Variants in IGF2BP2 observed in about 807,000 individuals in gnomAD.
The protein encoded by IGF2BP2 is insulin-like growth factor 2 mRNA-binding protein 2.
A neutral mutation model predicts 75.8 loss-of-function variants in IGF2BP2; 17 were observed. That is an observed-to-expected ratio of 0.22 (90% confidence interval 0.15 to 0.34). The LOEUF (loss-of-function observed/expected upper bound fraction) is 0.34. Ranked by LOEUF, IGF2BP2 falls within the 10% of genes least tolerant of loss-of-function variation. IGF2BP2 has a pLI of 1.00. For missense variants in IGF2BP2, 516 were observed against 772.4 expected (o/e 0.67, Z 3.93); for synonymous variants, 288 against 295.6 (o/e 0.97, Z 0.26).
chr3:185,680,315 A>C (rs1720180756), intron 7 of IGF2BP2, among the ~76,000 whole-genome samples: 1 of 152,068 alleles, frequency 6.6e-6, no homozygotes, highest in Non-Finnish European at 1.5e-5. Flanking sequence ...GTAATCAAAA[A>C]CCTCCCAACA....
intron 2 of IGF2BP2, among the ~76,000 whole-genome samples, chr3:185,820,229 TAC>T (rs1280743933): frequency 7.5e-6 from 1 of 133,818 alleles, no homozygotes; most frequent in Non-Finnish European, 1.6e-5. Context: ...TGTGTATATA[TAC>T]ACATACACAC....
rs1244819444 is a variant in IGF2BP2 at position 185,647,452 on chromosome 3, C to T, written c.1594-314G>A. ...AGGCCTGCACATGCTCACAGAGACC[C>T]CAGGCTTTCCCATACCCCCCCACTC... On this transcript the variant is annotated intron_variant, in intron 14 of 15. Transcript: ENST00000382199. This position sits in a 1 kb window ranked among gnomAD's most constrained non-coding sequence, Gnocchi z 4.9. Among the ~76,000 whole-genome samples the T allele has an allele frequency of 6.6e-6, 1 of 152,014 alleles. No individual in the cohort carries two copies. Among genetic ancestry groups the T allele is most frequent in the Non-Finnish European group, 1.5e-5 (1 of 67,996 alleles).
chr3:185,794,089 C>T (rs1238955291), intron 2 of IGF2BP2, among the ~76,000 whole-genome samples: 1 of 151,820 alleles, frequency 6.6e-6, no homozygotes, highest in South Asian at 2.1e-4. Context: ...TCTCAAGCAG[C>T]TGAGACTACA....
chr3:185,820,257 C>T (rs1225074706), intron 2 of IGF2BP2, among the ~76,000 whole-genome samples: 1 of 117,522 alleles, frequency 8.5e-6, no homozygotes, highest in Non-Finnish European at 1.8e-5. Context: ...CACACACACA[C>T]ACACACACAC....
rs954540506 is a variant in IGF2BP2, at chr3:185,644,165, G to A, written c.*1366C>T. The A allele has an allele frequency of 6.6e-6, 1 of 152,260 alleles. No homozygotes were observed. Among genetic ancestry groups the A allele is most frequent in the African/African-American group, 2.4e-5 (1 of 41,312 alleles). The allele number at this position is 152,260 out of a possible 1,614,324, so 9.4% of individuals were successfully genotyped here. ...AAATAAAAAAATGCTCCAACTATCAGCTTTACAAAATCTCTAAGGGAAACA... is the reference window on the plus strand; with the variant it reads ...AAATAAAAAAATGCTCCAACTATCAACTTTACAAAATCTCTAAGGGAAACA... On this transcript the variant is annotated 3_prime_UTR_variant, in exon 16 of 16. Transcript: ENST00000382199.
intron 2 of IGF2BP2, among the ~76,000 whole-genome samples, chr3:185,719,863 A>AAAGGAAGGAAGGAAGGAAGG (rs1472365740): frequency 5.3e-4 from 80 of 152,198 alleles, no homozygotes; most frequent in African/African-American, 1.9e-3. Flanking sequence ...GAAAGGAAGG[A>AAAGGAAGGAAGGAAGGAAGG]AAGGAAGGAA....
rs1333652030 is a variant in IGF2BP2, at chr3:185,748,828, A to C, written c.240-50481T>G. 3.3e-5 allele frequency among the ~76,000 whole-genome samples: 5 copies of C among 152,340 alleles called. No homozygotes were observed. The East Asian group carries it at 7.7e-4, about 23-fold the overall frequency. On this transcript the variant is annotated intron_variant, in intron 2 of 15. Transcript: ENST00000382199. ...CAAGGTCCCCTTATCAGCCATTAAAATTGTTTTAAAGTAAAAATCATTTTA... is the reference window on the plus strand; with the variant it reads ...CAAGGTCCCCTTATCAGCCATTAAACTTGTTTTAAAGTAAAAATCATTTTA...
chr3:185,660,373 AT>A (rs1486226350), intron 10 of IGF2BP2, among the ~76,000 whole-genome samples: 1 of 152,146 alleles, frequency 6.6e-6, no homozygotes, highest in African/African-American at 2.4e-5. Flanking sequence ...AATGCCCTCC[AT>A]CCCCCGAATC....
intron 2 of IGF2BP2, among the ~76,000 whole-genome samples, chr3:185,780,695 C>T (rs1296042659): frequency 6.6e-6 from 1 of 152,200 alleles, no homozygotes; most frequent in East Asian, 1.9e-4. Flanking sequence ...TGCTACTGCA[C>T]ATTCCCACGG....
chr3:185,802,591 T>A (rs1243650995), intron 2 of IGF2BP2, among the ~76,000 whole-genome samples: 1 of 152,252 alleles, frequency 6.6e-6, no homozygotes, highest in Admixed American at 6.5e-5. Context: ...GAACATTTTT[T>A]AAATTATTCA....
At chr3:185,778,447 G>A (rs1041624249) in intron 2 of IGF2BP2, among the ~76,000 whole-genome samples, 2 of 152,168 alleles carry the variant, frequency 1.3e-5, no homozygotes, top group African/African-American at 4.8e-5. Flanking sequence ...TTATAATAAA[G>A]CAACATAAAA....
intron 2 of IGF2BP2, among the ~76,000 whole-genome samples, chr3:185,720,860 C>T (rs985104309): frequency 6.6e-6 from 1 of 152,194 alleles, no homozygotes; most frequent in African/African-American, 2.4e-5. Flanking sequence ...ATTCTGAAAC[C>T]AGACAGTAAC....
chr3:185,808,833 G>T (rs1387274580), intron 2 of IGF2BP2, among the ~76,000 whole-genome samples: 1 of 151,954 alleles, frequency 6.6e-6, no homozygotes, highest in African/African-American at 2.4e-5. Context: ...CTCTCAAAGT[G>T]CTGGGATTAC....
At chr3:185,706,898 G>A (rs890596980) in intron 2 of IGF2BP2, among the ~76,000 whole-genome samples, 5 of 151,650 alleles carry the variant, frequency 3.3e-5, no homozygotes, top group East Asian at 3.9e-4. Context: ...GCACCACCAC[G>A]CCTGGCTATA....
chr3:185,795,927 G>T (rs1012416441), intron 2 of IGF2BP2, among the ~76,000 whole-genome samples: 3 of 152,028 alleles, frequency 2.0e-5, no homozygotes, highest in Non-Finnish European at 4.4e-5. Flanking sequence ...ATACTGTTTT[G>T]TTCTTAAACT....
Position 185,824,925 on chromosome 3 carries a change from G to C in IGF2BP2, c.36C>G (p.Pro12=). The C allele has an allele frequency of 3.2e-6, 5 of 1,560,748 alleles. No individual in the cohort carries two copies. The highest frequency in any genetic ancestry group is 4.3e-6 in the Non-Finnish European group (5 of 1,150,410). The part of the protein sequence containing the change: ...MNKLYIGNLS[P]AVTADDLRQL... ...GCCGGAGGTCGTCGGCGGTGACGGCGGGGCTCAGGTTCCCGATGTAAAGCT... is the reference window on the plus strand; with the variant it reads ...GCCGGAGGTCGTCGGCGGTGACGGCCGGGCTCAGGTTCCCGATGTAAAGCT... The change falls in exon 1 of 16, where the codon CCC becomes CCG. Residue 12 remains proline (P), a synonymous_variant. Coordinates refer to ENST00000382199, the MANE Select transcript of IGF2BP2 (RefSeq NM_006548.6).
intron 2 of IGF2BP2, among the ~76,000 whole-genome samples, chr3:185,773,319 T>C (rs1400009500): frequency 6.6e-6 from 1 of 152,236 alleles, no homozygotes; most frequent in Non-Finnish European, 1.5e-5. Context: ...TATAACACTA[T>C]AGACTATAGA....
chr3:185,652,873 G>A (rs553311355), intron 12 of IGF2BP2, among the ~76,000 whole-genome samples: 31 of 152,026 alleles, frequency 2.0e-4, no homozygotes, highest in Admixed American at 9.2e-4. Context: ...GTGCAGTGGC[G>A]CGATCTCAGC....
chr3:185,688,447 A>AT (rs1185713854), intron 6 of IGF2BP2, among the ~76,000 whole-genome samples: 1 of 152,166 alleles, frequency 6.6e-6, no homozygotes, highest in Non-Finnish European at 1.5e-5. Flanking sequence ...GGTTCAAGTG[A>AT]TTCTCCTGCC....
Sources: allele counts gnomAD v4.1 joint callset (sites outside exome capture counted in the v4.1 genomes callset), GRCh38; gene constraint gnomAD v4.1.1; non-coding constraint Gnocchi (gnomAD v3.1); transcripts MANE v1.5; gene names NCBI Gene and HGNC (gene_info 2026-07-23, HGNC 2026-07-21).